The following PTDSS1 variants were observed in gnomAD, a reference collection of about 807,000 sequenced individuals.
PTDSS1 encodes the protein phosphatidylserine synthase 1.
A neutral mutation model predicts 70.5 loss-of-function variants in PTDSS1; 45 were observed. The ratio of observed to expected loss-of-function variants is 0.64; its 90% confidence interval spans 0.50 to 0.82. PTDSS1 has a LOEUF of 0.82. Among genes scored for constraint, PTDSS1 ranks in the 40% least tolerant of loss-of-function variants. The pLI, the probability that PTDSS1 is intolerant of heterozygous loss-of-function variation, is 0.00. For synonymous variants in PTDSS1, 188 were observed against 203.8 expected, an observed-to-expected ratio of 0.92 and a Z score of 0.66; for missense variants, 417 against 586.1, an observed-to-expected ratio of 0.71 and a Z score of 2.98.
intron 2 of PTDSS1, among the ~76,000 whole-genome samples, chr8:96,283,248 G>T (rs1481615344): frequency 1.3e-5 from 2 of 152,210 alleles, no homozygotes; most frequent in African/African-American, 4.8e-5. Flanking sequence ...CTCTCCTGGG[G>T]ACATGGGATT....
At chr8:96,315,276 A>G (rs1336738256) in intron 9 of PTDSS1, among the ~76,000 whole-genome samples, 1 of 152,156 alleles carries the variant, frequency 6.6e-6, no homozygotes, top group African/African-American at 2.4e-5. Flanking sequence ...GGCTGCCAGG[A>G]GAGGGGGTCT....
At chr8:96,288,341 T>G (rs1315410504) in intron 4 of PTDSS1, among the ~76,000 whole-genome samples, 1 of 152,180 alleles carries the variant, frequency 6.6e-6, no homozygotes, top group Admixed American at 6.5e-5. Flanking sequence ...ATCTTTTTTT[T>G]TGAGACAGAG....
intron 4 of PTDSS1, among the ~76,000 whole-genome samples, chr8:96,288,625 CTTT>C (rs777705401): frequency 4.7e-5 from 4 of 84,658 alleles, no homozygotes; most frequent in African/African-American, 1.2e-4. Flanking sequence ...CACGCTTGGC[CTTT>C]TTTTTTTTTT....
chr8:96,329,348 G>A (rs955885089), intron 10 of PTDSS1, among the ~76,000 whole-genome samples: 1 of 55,392 alleles, frequency 1.8e-5, no homozygotes, highest in Admixed American at 2.1e-4. Flanking sequence ...AGGTGTGGCC[G>A]GGGAGATTCA....
At chr8:96,288,969 C>G (rs150885523) in intron 4 of PTDSS1, among the ~76,000 whole-genome samples, 1 of 151,602 alleles carries the variant, frequency 6.6e-6, no homozygotes. Context: ...GAGTCTCGCT[C>G]TGTCACCCAG....
intron 10 of PTDSS1, among the ~76,000 whole-genome samples, chr8:96,326,986 T>C (rs1811447169): frequency 6.6e-6 from 1 of 152,156 alleles, no homozygotes; most frequent in Non-Finnish European, 1.5e-5. Context: ...TTCTAACTGG[T>C]GCCACTGGGT....
At chr8:96,331,136 C>T (rs1306048276) in intron 12 of PTDSS1, 41 bp downstream of exon 12, 1 of 1,531,814 alleles carries the variant, frequency 6.5e-7, no homozygotes, top group Non-Finnish European at 9.1e-7. Flanking sequence ...TTACTGGGTC[C>T]TTGAGATGTG....
chr8:96,296,329 G>A (rs188463803), intron 5 of PTDSS1, among the ~76,000 whole-genome samples: 11 of 151,940 alleles, frequency 7.2e-5, no homozygotes, highest in Non-Finnish European at 1.3e-4. Context: ...TAGTAGAGAC[G>A]GGGTCTCACC....
intron 2 of PTDSS1, among the ~76,000 whole-genome samples, chr8:96,276,689 T>C (rs1810646814): frequency 6.6e-6 from 1 of 152,200 alleles, no homozygotes; most frequent in Admixed American, 6.5e-5. Flanking sequence ...TCTCTGGCTT[T>C]CTCCATAATA....
chr8:96,314,035 T>G (rs1397875668), intron 9 of PTDSS1, among the ~76,000 whole-genome samples: 5 of 152,150 alleles, frequency 3.3e-5, no homozygotes, highest in Non-Finnish European at 5.9e-5. Flanking sequence ...GTTCAGGCTT[T>G]CTTTCTTTTT....
At chr8:96,287,176 A>G (rs1392236296) in intron 4 of PTDSS1, 30 bp downstream of exon 4, 2 of 1,611,590 alleles carry the variant, frequency 1.2e-6, no homozygotes, top group East Asian at 2.2e-5. Flanking sequence ...CTCTTGGAGA[A>G]ACTCGTAGAC....
chr8:96,301,736 G>A (rs1167478682), intron 6 of PTDSS1, among the ~76,000 whole-genome samples: 1 of 151,338 alleles, frequency 6.6e-6, no homozygotes, highest in African/African-American at 2.4e-5. Context: ...GGCTGGTCTC[G>A]AACTTCTGAC....
intron 1 of PTDSS1, among the ~76,000 whole-genome samples, chr8:96,270,159 T>C (rs76766426): frequency 6.6e-6 from 1 of 152,136 alleles, no homozygotes; most frequent in Non-Finnish European, 1.5e-5. Context: ...AGCTTGTACT[T>C]TGGGGCCAGA....
intron 6 of PTDSS1, among the ~76,000 whole-genome samples, chr8:96,301,762 C>G (rs540373484): frequency 1.3e-5 from 2 of 151,714 alleles, no homozygotes; most frequent in Non-Finnish European, 2.9e-5. Context: ...GTGATCCGCC[C>G]GCCTCAGCCT....
In PTDSS1 at chr8:96,334,010, G is replaced by T. The variant is rs562396324; in HGVS notation, c.*444G>T. On this transcript the variant is annotated 3_prime_UTR_variant, in exon 13 of 13. Coordinates refer to ENST00000517309, the MANE Select transcript of PTDSS1 (RefSeq NM_014754.3). The stretch of plus-strand genomic sequence containing the variant: ...TCTACCTTTCCATTGATTGATTTAA[G>T]TTCAGGCCACTTTTCTGTCTTTTAT... The T allele has an allele frequency of 9.1e-6, 4 of 439,894 alleles. No individual in the cohort carries two copies. Among genetic ancestry groups the T allele is most frequent in the Non-Finnish European group, 1.6e-5 (4 of 248,966 alleles). 27.2% of individuals were successfully genotyped at this position (439,894 alleles called of 1,614,324 possible). A position where few individuals can be genotyped will look rare whatever the true frequency, so the allele number is the denominator to read the frequency against.
At chr8:96,327,122 T>C (rs1293310366) in intron 10 of PTDSS1, among the ~76,000 whole-genome samples, 1 of 152,196 alleles carries the variant, frequency 6.6e-6, no homozygotes. Context: ...TGTCCTGTTT[T>C]ATGGGAAATT....
intron 4 of PTDSS1, among the ~76,000 whole-genome samples, chr8:96,292,307 A>G (rs970690615): frequency 2.3e-4 from 32 of 140,520 alleles, no homozygotes; most frequent in African/African-American, 5.4e-4. Context: ...AAAAAAAAAA[A>G]AAAGAAAAGA....
intron 10 of PTDSS1, among the ~76,000 whole-genome samples, chr8:96,324,789 G>T (rs528559334): frequency 6.6e-6 from 1 of 152,240 alleles, no homozygotes; most frequent in Non-Finnish European, 1.5e-5. Context: ...CACTCAGACT[G>T]TAGGGACCCC....
At chr8:96,276,972 ACGCG>A (rs377294157) in intron 2 of PTDSS1, among the ~76,000 whole-genome samples, 518 of 129,714 alleles carry the variant, frequency 4.0e-3, no homozygotes, top group African/African-American at 0.012. Flanking sequence ...ACACGCGCGC[ACGCG>A]CGCGCACACA....
Sources: allele counts gnomAD v4.1 joint callset (sites outside exome capture counted in the v4.1 genomes callset), GRCh38; gene constraint gnomAD v4.1.1; transcripts MANE v1.5; gene names NCBI Gene and HGNC (gene_info 2026-07-23, HGNC 2026-07-21).